Variants in FAM204A observed in about 807,000 individuals in gnomAD.
FAM204A encodes protein FAM204A.
In FAM204A, 16 loss-of-function variants were observed where a neutral mutation model predicts 35.4. The ratio of observed to expected loss-of-function variants is 0.45; its 90% CI spans 0.31 to 0.69. The LOEUF is 0.69. Among genes scored for constraint, FAM204A ranks in the 30% least tolerant of loss-of-function variants. The pLI, the probability that FAM204A is intolerant of heterozygous loss-of-function variation, is 0.07. For synonymous variants in FAM204A, 76 were observed against 86.9 expected (o/e 0.88, Z 0.70); for missense variants, 240 against 265.7 (o/e 0.90, Z 0.67).
In FAM204A at chr10:118,304,396, C is replaced by T. The variant is rs1347063973; in HGVS notation, c.*6461G>A. On this transcript the variant is annotated 3_prime_UTR_variant, in exon 9 of 9. Transcript: ENST00000369183. ...CTTTAAAAGCCTGCTCTCTGACTAC[C>T]TTCTTCATCCCACATCACCATCCAT... 2.0e-5 allele frequency: 3 copies of T among 152,292 alleles called. No homozygotes were observed. The highest frequency in any genetic ancestry group is 2.0e-4 in the Admixed American group (3 of 15,280). The allele number at this position is 152,292 out of a possible 1,614,324, so 9.4% of individuals were successfully genotyped here. A position where few individuals can be genotyped will look rare whatever the true frequency, so the allele number is the denominator to read the frequency against.
intron 6 of FAM204A, among the ~76,000 whole-genome samples, chr10:118,327,343 A>C (rs1846213443): frequency 6.6e-6 from 1 of 152,218 alleles, no homozygotes; most frequent in African/African-American, 2.4e-5. Context: ...GGTTACAGAA[A>C]TAAAGACCAG....
chr10:118,312,187 C>T (rs853908), intron 7 of FAM204A, among the ~76,000 whole-genome samples: 3,703 of 152,288 alleles, frequency 0.024, 47 homozygotes, highest in South Asian at 0.066. Context: ...CCCACCAATG[C>T]GGACAGCTCA....
chr10:118,327,040 G>C (rs1407785721), intron 6 of FAM204A, among the ~76,000 whole-genome samples: 2 of 152,166 alleles, frequency 1.3e-5, no homozygotes, highest in Non-Finnish European at 2.9e-5. Flanking sequence ...TGGAGTTCTA[G>C]TTTGTGAAAA....
rs763200024 is a variant in FAM204A at position 118,326,171 on chromosome 10, G to A, written c.526C>T (p.Gln176Ter). The A allele has an allele frequency of 1.2e-6, 2 of 1,613,780 alleles. No individual in the cohort carries two copies. The highest frequency in any genetic ancestry group is 1.7e-6 in the Non-Finnish European group (2 of 1,179,776). Reference protein sequence around the residue: ...NIEKAEELSNQLATRELGVKI... With the variant: ...NIEKAEELSN ...TGACTCACCTCTCGAGTAGCTAGCT[G>A]GTTGCTGAGTTCCTCAGCCTTCTCA... The change falls in exon 7 of 9, where the codon CAG (glutamine) becomes TAG (stop). Residue 176 changes from glutamine (Q) to a stop codon, truncating the protein, a stop_gained. Transcript: ENST00000369183. LOFTEE classifies it high-confidence loss of function.
At chr10:118,336,814 C>T (rs1295118245) in intron 2 of FAM204A, among the ~76,000 whole-genome samples, 1 of 151,928 alleles carries the variant, frequency 6.6e-6, no homozygotes, top group Admixed American at 6.6e-5. Context: ...ATTAAAATAC[C>T]ATATTTGAAG....
intron 7 of FAM204A, among the ~76,000 whole-genome samples, chr10:118,312,084 G>A (rs749569623): frequency 3.9e-5 from 6 of 152,138 alleles, no homozygotes; most frequent in Admixed American, 1.3e-4. Flanking sequence ...CCTGCACGGC[G>A]CTCTGGCTGC....
In FAM204A at chr10:118,300,346, A is replaced by T. The variant is rs957261675; in HGVS notation, c.*10511T>A. 1 of 152,206 alleles carries T rather than the reference A, an allele frequency of 6.6e-6. No individual in the cohort carries two copies. Among genetic ancestry groups the T allele is most frequent in the Non-Finnish European group, 1.5e-5 (1 of 68,050 alleles). 9.4% of individuals were successfully genotyped at this position (152,206 alleles called of 1,614,324 possible). A position where few individuals can be genotyped will look rare whatever the true frequency, so the allele number is the denominator to read the frequency against. ...ATGATTTAATGCAGAAATATCTTGA[A>T]AGAAAAGATGAAAGGACGTATTACT... On this transcript the variant is annotated 3_prime_UTR_variant, in exon 9 of 9. Coordinates refer to ENST00000369183, the MANE Select transcript of FAM204A (RefSeq NM_022063.3).
intron 7 of FAM204A, among the ~76,000 whole-genome samples, chr10:118,324,774 A>G (rs1332990938): frequency 6.6e-6 from 1 of 152,130 alleles, no homozygotes; most frequent in African/African-American, 2.4e-5. Context: ...GTTGGACAGC[A>G]ATGTAAATGC....
chr10:118,322,846 C>CAGA (rs1846139512), intron 7 of FAM204A, among the ~76,000 whole-genome samples: 1 of 151,982 alleles, frequency 6.6e-6, no homozygotes, highest in Non-Finnish European at 1.5e-5. Flanking sequence ...CTCAAAACTT[C>CAGA]AGCATTACTA....
rs185020036 is a variant in FAM204A at position 118,336,261 on chromosome 10, T to C, written c.155A>G (p.Asp52Gly). The C allele has an allele frequency of 6.8e-5, 110 of 1,613,948 alleles. No individual in the cohort carries two copies. The East Asian group carries it at 2.2e-3, about 32-fold the overall frequency. The part of the protein sequence containing the change: ...RKTEIIDFST[D>G]EPKTETESNV... ...TGACTCTGTTTCAGTTTTTGGTTCATCTGTTGAGAAATCTATGATTTCTGT... is the reference window on the plus strand; with the variant it reads ...TGACTCTGTTTCAGTTTTTGGTTCACCTGTTGAGAAATCTATGATTTCTGT... Residue 52 changes from aspartate (D) to glycine (G), a missense_variant, in exon 3 of 9, where the codon GAT (aspartate) becomes GGT (glycine). By Grantham distance (94) the Asp-to-Gly change is moderately conservative (BLOSUM62 -1). This residue lies in a region of FAM204A where 232 missense variants were observed against 242.8 expected (regional missense o/e 0.96). Coordinates refer to ENST00000369183, the MANE Select transcript of FAM204A (RefSeq NM_022063.3).
At position 118,308,776 on chromosome 10, in the gene FAM204A, A is replaced by T. The variant is rs1291693383; in HGVS notation, c.*2081T>A. ...GCTGAAGAAGGGCTTCCTTGGCTGG[A>T]CAGGATCCCAAGTCAGACCCTACAG... is the stretch of plus-strand genomic sequence containing the variant. On this transcript the variant is annotated 3_prime_UTR_variant, in exon 9 of 9. Transcript: ENST00000369183. 2 of 153,054 alleles carry T rather than the reference A, an allele frequency of 1.3e-5. No individual in the cohort carries two copies. The highest frequency in any genetic ancestry group is 4.8e-5 in the African/African-American group (2 of 41,448). 9.5% of individuals were successfully genotyped at this position (153,054 alleles called of 1,614,324 possible). A position where few individuals can be genotyped will look rare whatever the true frequency, so the allele number is the denominator to read the frequency against.
intron 7 of FAM204A, among the ~76,000 whole-genome samples, chr10:118,323,954 C>T (rs766009708): frequency 4.6e-5 from 7 of 152,120 alleles, no homozygotes; most frequent in Middle Eastern, 3.4e-3. Context: ...AGATGATTTT[C>T]GGCACAGAGC....
At position 118,336,173 on chromosome 10, in the gene FAM204A, A is replaced by G. The variant is rs1418792116; in HGVS notation, c.234+9T>C. 2 of 1,611,264 alleles carry G rather than the reference A, an allele frequency of 1.2e-6. No individual in the cohort carries two copies. The highest frequency in any genetic ancestry group is 1.8e-4 in the Middle Eastern group (1 of 5,660). ...AGGCTGTAGCAAGAGCATTTCAGAG[A>G]AAACCTACATTCCACATATCTATGG... On this transcript the variant is annotated intron_variant, in intron 3 of 8. Transcript: ENST00000369183.
chr10:118,311,923 AG>A (rs952668204), intron 7 of FAM204A, among the ~76,000 whole-genome samples: 1 of 152,194 alleles, frequency 6.6e-6, no homozygotes, highest in African/African-American at 2.4e-5. Flanking sequence ...TCCCCTGTGC[AG>A]GGCCCTCTAT....
At chr10:118,321,642 G>C (rs1440475607) in intron 7 of FAM204A, among the ~76,000 whole-genome samples, 1 of 137,552 alleles carries the variant, frequency 7.3e-6, no homozygotes, top group African/African-American at 2.7e-5. Flanking sequence ...CAAAAAGTGT[G>C]ACAGGAAATA....
At chr10:118,317,082 A>G (rs146453316) in intron 7 of FAM204A, among the ~76,000 whole-genome samples, 61 of 152,256 alleles carry the variant, frequency 4.0e-4, no homozygotes, top group African/African-American at 1.4e-3. Flanking sequence ...TAAGTAAGAA[A>G]GCCTATTAAC....
At chr10:118,336,533 G>A in intron 2 of FAM204A, 110 bp from the exon 3 acceptor site, 1 of 992,034 alleles carries the variant, frequency 1.0e-6, no homozygotes, top group East Asian at 2.8e-5. Context: ...TTTGGGAACA[G>A]TCCATCTAAA....
chr10:118,314,358 T>C (rs1412694314), intron 7 of FAM204A, among the ~76,000 whole-genome samples: 3 of 152,252 alleles, frequency 2.0e-5, no homozygotes, highest in Admixed American at 6.5e-5. Context: ...TTTTAGCTTG[T>C]AATGATGAAA....
chr10:118,321,150 G>A (rs964910621), intron 7 of FAM204A, among the ~76,000 whole-genome samples: 1 of 151,830 alleles, frequency 6.6e-6, no homozygotes, highest in Non-Finnish European at 1.5e-5. Context: ...CGGTACTGAT[G>A]AAAAACCAAT....
Sources: gnomAD v4.1 joint callset for allele counts (sites outside exome capture counted in the v4.1 genomes callset) on GRCh38, gnomAD v4.1.1 for gene constraint, gnomAD v4.1.1 regional missense constraint, MANE v1.5 for transcripts, NCBI Gene and HGNC (gene_info 2026-07-23, HGNC 2026-07-21) for gene names.